Variants in GATAD2B observed in about 807,000 individuals in gnomAD.
The protein encoded by GATAD2B is GATA zinc finger domain containing 2B.
In GATAD2B, 8 loss-of-function variants were observed where a neutral mutation model predicts 64.3. The observed-to-expected ratio is 0.12, with a 90% CI of 0.07 to 0.22. The LOEUF (loss-of-function observed/expected upper bound fraction) is 0.22. Among genes scored for constraint, GATAD2B ranks in the 10% least tolerant of loss-of-function variants. GATAD2B has a pLI of 1.00. For missense variants in GATAD2B, 453 were observed against 752.0 expected, an observed-to-expected ratio of 0.60 and a Z score of 4.65; for synonymous variants, 281 against 271.3, an observed-to-expected ratio of 1.04 and a Z score of -0.35.
chr1:153,834,079 T>G (rs1427809671), intron 1 of GATAD2B, among the ~76,000 whole-genome samples: 1 of 151,674 alleles, frequency 6.6e-6, no homozygotes. Flanking sequence ...CTCAGTTCAC[T>G]GCAACCTCCA....
intron 1 of GATAD2B, among the ~76,000 whole-genome samples, chr1:153,870,812 G>A (rs1676640965): frequency 6.6e-6 from 1 of 152,098 alleles, no homozygotes; most frequent in Non-Finnish European, 1.5e-5. Context: ...TCCAACATTG[G>A]AAACACTTCT....
At chr1:153,818,200 T>G (rs1243552832) in intron 4 of GATAD2B, 29 bp from the exon 5 acceptor site, 2 of 1,559,714 alleles carry the variant, frequency 1.3e-6, no homozygotes. Context: ...AATAAGACTG[T>G]GGCCAATAAT....
chr1:153,840,095 C>T (rs1210175309), intron 1 of GATAD2B, among the ~76,000 whole-genome samples: 2 of 138,622 alleles, frequency 1.4e-5, no homozygotes, highest in Non-Finnish European at 3.0e-5. Flanking sequence ...TGCAATGGCA[C>T]GATCTTGTCT....
At chr1:153,812,271 C>CCT in intron 8 of GATAD2B, 139 bp from the exon 9 acceptor site, 2 of 599,376 alleles carry the variant, frequency 3.3e-6, no homozygotes, top group Non-Finnish European at 5.9e-6. Context: ...CTCAAGCAAT[C>CCT]CTCTCACCTT....
intron 1 of GATAD2B, among the ~76,000 whole-genome samples, chr1:153,847,683 T>TTTCACAGA (rs1434827698): frequency 6.6e-6 from 1 of 152,214 alleles, no homozygotes; most frequent in Non-Finnish European, 1.5e-5. Flanking sequence ...AATTTTCTGC[T>TTTCACAGA]ATTATCTCTT....
At chr1:153,887,858 A>G (rs1337459105) in intron 1 of GATAD2B, among the ~76,000 whole-genome samples, 1 of 152,116 alleles carries the variant, frequency 6.6e-6, no homozygotes, top group Non-Finnish European at 1.5e-5. Context: ...AGGCCAAGGC[A>G]GCTGGATCAC....
chr1:153,910,234 T>A (rs777659399), intron 1 of GATAD2B, among the ~76,000 whole-genome samples: 1 of 152,184 alleles, frequency 6.6e-6, no homozygotes, highest in Non-Finnish European at 1.5e-5. Flanking sequence ...AAGCTACTAG[T>A]GATTTTCACA....
At chr1:153,824,953 G>C (rs1385477887) in intron 2 of GATAD2B, among the ~76,000 whole-genome samples, 2 of 152,068 alleles carry the variant, frequency 1.3e-5, no homozygotes, top group South Asian at 2.1e-4. Context: ...GGGTACAGGG[G>C]CACACGCCTA....
At chr1:153,881,937 C>A (rs971811310) in intron 1 of GATAD2B, among the ~76,000 whole-genome samples, 3 of 152,088 alleles carry the variant, frequency 2.0e-5, no homozygotes, top group Non-Finnish European at 4.4e-5. Context: ...TGCACAAACC[C>A]GGTCTCCAAG....
intron 2 of GATAD2B, among the ~76,000 whole-genome samples, chr1:153,820,467 G>A (rs933398947): frequency 6.6e-6 from 1 of 152,148 alleles, no homozygotes; most frequent in African/African-American, 2.4e-5. Context: ...TTAAGACCTA[G>A]GTAACAAGAA....
chr1:153,890,040 G>A (rs918643715), intron 1 of GATAD2B, among the ~76,000 whole-genome samples: 5 of 151,736 alleles, frequency 3.3e-5, no homozygotes, highest in African/African-American at 1.2e-4. Flanking sequence ...CAGGCATGGG[G>A]GCATGCCTGC....
intron 1 of GATAD2B, among the ~76,000 whole-genome samples, chr1:153,878,438 C>G (rs1193054750): frequency 6.6e-6 from 1 of 152,078 alleles, no homozygotes; most frequent in African/African-American, 2.4e-5. Flanking sequence ...TCCTACAATC[C>G]TTAAAGAAAG....
chr1:153,907,874 G>A (rs532900105), intron 1 of GATAD2B, among the ~76,000 whole-genome samples: 10 of 152,138 alleles, frequency 6.6e-5, no homozygotes, highest in South Asian at 2.1e-4. Context: ...GCATGATCTC[G>A]GCTCATTGCA....
chr1:153,807,498 G>C lies in GATAD2B; in HGVS notation c.*2679C>G, dbSNP rs930625789. On this transcript the variant is annotated 3_prime_UTR_variant, in exon 11 of 11. Coordinates refer to ENST00000368655, the MANE Select transcript of GATAD2B (RefSeq NM_020699.4). ...TGAAAATGGGGAGAAGAAAGGGTAA[G>C]AAATCAAACCTCAGCGGTTGAACAA... 1 of 152,206 alleles carries C rather than the reference G, an allele frequency of 6.6e-6. No homozygotes were observed. The highest frequency in any genetic ancestry group is 2.4e-5 in the African/African-American group (1 of 41,428). 9.4% of individuals were successfully genotyped at this position (152,206 alleles called of 1,614,324 possible).
chr1:153,889,304 C>T (rs999117437), intron 1 of GATAD2B, among the ~76,000 whole-genome samples: 6 of 148,790 alleles, frequency 4.0e-5, no homozygotes, highest in Admixed American at 6.9e-5. Context: ...CCCAGCTACT[C>T]GGTGGGCTGA....
chr1:153,897,562 A>C (rs1677633383), intron 1 of GATAD2B, among the ~76,000 whole-genome samples: 1 of 152,218 alleles, frequency 6.6e-6, no homozygotes, highest in Non-Finnish European at 1.5e-5. Context: ...CTTCTCAGGA[A>C]AATAACTGAT....
At chr1:153,890,555 C>T (rs1393566958) in intron 1 of GATAD2B, 1 of 151,472 alleles carries the variant, frequency 6.6e-6, no homozygotes, top group Non-Finnish European at 1.5e-5. Context: ...CTGGCAGCTG[C>T]TCTTGGTTGG....
chr1:153,901,335 A>C (rs1013165112), intron 1 of GATAD2B, among the ~76,000 whole-genome samples: 85 of 152,228 alleles, frequency 5.6e-4, no homozygotes, highest in African/African-American at 1.9e-3. Context: ...TGGGTGACAA[A>C]GCAAGGCTCT....
chr1:153,918,937 G>C (rs1049284915), intron 1 of GATAD2B, among the ~76,000 whole-genome samples: 7 of 151,782 alleles, frequency 4.6e-5, no homozygotes, highest in Middle Eastern at 3.4e-3. Flanking sequence ...GGCAACAAGA[G>C]CAAAACTCCA....
Sources: gnomAD v4.1 joint callset for allele counts (sites outside exome capture counted in the v4.1 genomes callset) on GRCh38, gnomAD v4.1.1 for gene constraint, MANE v1.5 for transcripts, NCBI Gene and HGNC (gene_info 2026-07-23, HGNC 2026-07-21) for gene names.